Variants in AOC1 observed in about 807,000 individuals in gnomAD.
The protein encoded by AOC1 is diamine oxidase [copper-containing].
Under a neutral mutation model 57.1 loss-of-function variants are expected in AOC1, and 58 were observed. That is an observed-to-expected ratio of 1.02 (90% CI 0.82 to 1.26). The LOEUF (loss-of-function observed/expected upper bound fraction) is 1.26, where lower values mean the gene tolerates loss of function less well. Ranked by LOEUF, AOC1 falls within the 50% of genes most tolerant of loss-of-function variation. The pLI is 0.00. For missense variants in AOC1, 917 were observed against 1,005.3 expected (o/e 0.91, Z 1.19); for synonymous variants, 401 against 423.4 (o/e 0.95, Z 0.65).
chr7:150,860,338 C>G (rs878888937), intron 3 of AOC1, 163 bp from the exon 4 acceptor site: 1 of 1,275,640 alleles, frequency 7.8e-7, no homozygotes, highest in South Asian at 1.4e-5. Context: ...CACCTGAACC[C>G]GGTTAACAGC....
At position 150,857,586 on chromosome 7, in the gene AOC1, C is replaced by T. The variant is rs1268666409; in HGVS notation, c.1116C>T (p.Leu372=). The T allele has an allele frequency of 2.5e-6, 4 of 1,613,922 alleles. No individual in the cohort carries two copies. Among genetic ancestry groups the T allele is most frequent in the South Asian group, 1.1e-5 (1 of 91,094 alleles). Residue 372 remains leucine (L), a synonymous_variant, in exon 2 of 5, where the codon CTC becomes CTT. Coordinates refer to ENST00000360937, the MANE Select transcript of AOC1 (RefSeq NM_001091.4). This position sits in a 1 kb window ranked among gnomAD's most constrained non-coding sequence, Gnocchi z 6.6. Reference sequence around the variant, plus strand: ...CTGCAGGCATGCAGACCAAGTACCTCGATGTCGGCTGGGGCCTGGGCAGCG... The same window carrying T: ...CTGCAGGCATGCAGACCAAGTACCTTGATGTCGGCTGGGGCCTGGGCAGCG... The part of the protein sequence containing the change: ...HTPAGMQTKY[L]DVGWGLGSVT...
Position 150,857,709 on chromosome 7 carries a change from C to G in AOC1, c.1239C>G (p.Pro413=), listed in dbSNP as rs1224726983. Residue 413 remains proline, a synonymous_variant, in exon 2 of 5, where the codon CCC becomes CCG. Transcript: ENST00000360937. The surrounding 1 kb of genome is among the most constrained non-coding windows in gnomAD (Gnocchi z 6.6). ...YYDADDPVHY[P]RALCLFEMPT... ...ATGCCGATGACCCGGTCCATTATCC[C>G]CGAGCCCTCTGCCTCTTTGAAATGC... The G allele has an allele frequency of 1.9e-6, 3 of 1,614,042 alleles. No homozygotes were observed. The African/African-American group carries it at 4.0e-5, about 22-fold the overall frequency.
chr7:150,853,503 A>G (rs1799678437), intron 1 of AOC1, among the ~76,000 whole-genome samples: 1 of 151,904 alleles, frequency 6.6e-6, no homozygotes, highest in Admixed American at 6.6e-5. Flanking sequence ...CTTTTAACAG[A>G]CTTTATAAAG....
In AOC1 at chr7:150,857,336, G is replaced by A. The variant is rs752782863; in HGVS notation, c.866G>A (p.Gly289Glu). 1.4e-5 allele frequency: 23 copies of A among 1,602,122 alleles called. No homozygotes were observed. The highest frequency in any genetic ancestry group is 8.4e-5 in the Admixed American group (5 of 59,250). ...PPLFSSHKPR[G>E]DFPSPIHVSG... The stretch of plus-strand genomic sequence containing the variant: ...CTCTTCTCCTCCCACAAGCCCCGCG[G>A]GGACTTCCCCAGCCCCATCCATGTG... The change falls in exon 2 of 5, where the codon GGG (glycine) becomes GAG (glutamate). Residue 289 changes from glycine to glutamate, a missense_variant. Physicochemically the swap from Gly to Glu is moderately conservative, Grantham distance 98. Transcript: ENST00000360937. This position sits in a 1 kb window ranked among gnomAD's most constrained non-coding sequence, Gnocchi z 6.6.
intron 1 of AOC1, among the ~76,000 whole-genome samples, chr7:150,854,490 G>C (rs1799715669): frequency 6.6e-6 from 1 of 152,174 alleles, no homozygotes; most frequent in African/African-American, 2.4e-5. Context: ...TAGTGGAGAA[G>C]TATGTTAGTT....
Position 150,861,270 on chromosome 7 carries a change from C to A in AOC1, c.*61C>A. On this transcript the variant is annotated 3_prime_UTR_variant, in exon 5 of 5. Coordinates refer to ENST00000360937, the MANE Select transcript of AOC1 (RefSeq NM_001091.4). This position sits in a 1 kb window ranked among gnomAD's most constrained non-coding sequence, Gnocchi z 4.5. ...AGCCCAGGAGCCTCACTGGGGCAGACAATAAACCCTCAGAGCCTCGCTCTG... is the reference window on the plus strand; with the variant it reads ...AGCCCAGGAGCCTCACTGGGGCAGAAAATAAACCCTCAGAGCCTCGCTCTG... The A allele has an allele frequency of 1.3e-6, 2 of 1,497,214 alleles. No homozygotes were observed. The highest frequency in any genetic ancestry group is 2.3e-5 in the East Asian group (1 of 43,100). The allele number at this position is 1,497,214 out of a possible 1,614,324, so 92.7% of individuals were successfully genotyped here.
At chr7:150,859,165 C>CTA in intron 3 of AOC1, 117 bp downstream of exon 3, 1 of 1,116,522 alleles carries the variant, frequency 9.0e-7, no homozygotes, top group Non-Finnish European at 1.2e-6. Flanking sequence ...TACACATATA[C>CTA]GTATGTGTAT....
At position 150,861,094 on chromosome 7, in the gene AOC1, T is replaced by C; in HGVS notation, c.2141T>C (p.Val714Ala). 1 of 1,614,124 alleles carries C rather than the reference T, an allele frequency of 6.2e-7. No individual in the cohort carries two copies. Among genetic ancestry groups the C allele is most frequent in the African/African-American group, 1.3e-5 (1 of 75,040 alleles). ...EDPSLASRDT[V>A]IVWPRDNGPN... ...CCCTCCCTGGCATCCAGAGACACTGTGATCGTGTGGCCTCGGGACAACGGC... is the reference window on the plus strand; with the variant it reads ...CCCTCCCTGGCATCCAGAGACACTGCGATCGTGTGGCCTCGGGACAACGGC... Residue 714 changes from valine (V) to alanine (A), a missense_variant, in exon 5 of 5, where the codon GTG (valine) becomes GCG (alanine). Coordinates refer to ENST00000360937, the MANE Select transcript of AOC1 (RefSeq NM_001091.4). The surrounding 1 kb of genome is among the most constrained non-coding windows in gnomAD (Gnocchi z 4.5).
In AOC1 at chr7:150,856,459, G is replaced by A. The variant is rs779567726; in HGVS notation, c.-12G>A. On this transcript the variant is annotated 5_prime_UTR_variant, in exon 2 of 5. In the 5' UTR this introduces an upstream ATG that the reference lacks. Transcript: ENST00000360937. The surrounding 1 kb of genome is among the most constrained non-coding windows in gnomAD (Gnocchi z 5.2). ...ATCTCCTCTATTGCATTCCAGAGCCGTGGAGCGAGAGATGCCGGCCCTGGG... is the reference window on the plus strand; with the variant it reads ...ATCTCCTCTATTGCATTCCAGAGCCATGGAGCGAGAGATGCCGGCCCTGGG... 3.1e-5 allele frequency: 50 copies of A among 1,608,066 alleles called. No homozygotes were observed. The highest frequency in any genetic ancestry group is 1.7e-4 in the Middle Eastern group (1 of 6,046).
At chr7:150,858,655 G>C in intron 2 of AOC1, 108 bp from the exon 3 acceptor site, 2 of 1,228,410 alleles carry the variant, frequency 1.6e-6, no homozygotes, top group East Asian at 4.8e-5. Flanking sequence ...GGTTATTCAA[G>C]ACAGTTGGCT....
Position 150,861,080 on chromosome 7 carries a change from A to C in AOC1, c.2127A>C (p.Ala709=). The C allele has an allele frequency of 6.2e-7, 1 of 1,614,126 alleles. No homozygotes were observed. The part of the protein sequence containing the change: ...FNFFPEDPSL[A]SRDTVIVWPR... The stretch of plus-strand genomic sequence containing the variant: ...TCTTCCCAGAGGACCCCTCCCTGGC[A>C]TCCAGAGACACTGTGATCGTGTGGC... The change falls in exon 5 of 5, where the codon GCA becomes GCC. Residue 709 remains alanine, a synonymous_variant. Transcript: ENST00000360937. The surrounding 1 kb of genome is among the most constrained non-coding windows in gnomAD (Gnocchi z 4.5).
At chr7:150,855,987 C>A (rs975552676) in intron 1 of AOC1, among the ~76,000 whole-genome samples, 12 of 152,102 alleles carry the variant, frequency 7.9e-5, no homozygotes, top group Non-Finnish European at 1.8e-4. Flanking sequence ...GACTCTAGAG[C>A]CTACCTTTGA....
intron 3 of AOC1, among the ~76,000 whole-genome samples, chr7:150,859,373 C>T (rs1799896089): frequency 1.3e-5 from 2 of 152,092 alleles, no homozygotes; most frequent in Admixed American, 1.3e-4. Flanking sequence ...ATACTGTGTT[C>T]TTACAATAAA....
intron 3 of AOC1, 48 bp downstream of exon 3, chr7:150,859,096 G>T: frequency 1.3e-6 from 2 of 1,483,054 alleles, no homozygotes; most frequent in Non-Finnish European, 1.8e-6. Context: ...GCTTCCCTCA[G>T]TGTGTGTGTC....
Position 150,857,268 on chromosome 7 carries a change from G to C in AOC1, c.798G>C (p.Pro266=), listed in dbSNP as rs370158924. The change falls in exon 2 of 5, where the codon CCG becomes CCC. Residue 266 remains proline, a synonymous_variant. Transcript: ENST00000360937. This position sits in a 1 kb window ranked among gnomAD's most constrained non-coding sequence, Gnocchi z 6.6. ...GEVDVVVLED[P]LPGGKGHDST... ...TGGACGTGGTGGTCCTGGAGGACCC[G>C]CTGCCTGGGGGCAAGGGGCATGACA... The C allele has an allele frequency of 1.2e-6, 2 of 1,608,516 alleles. No homozygotes were observed. Among genetic ancestry groups the C allele is most frequent in the Non-Finnish European group, 1.7e-6 (2 of 1,177,190 alleles).
Position 150,852,719 on chromosome 7 carries a change from C to T in AOC1, c.-17+161C>T, listed in dbSNP as rs1400999893. On this transcript the variant is annotated intron_variant, in intron 1 of 4. Coordinates refer to ENST00000360937, the MANE Select transcript of AOC1 (RefSeq NM_001091.4). This position sits in a 1 kb window ranked among gnomAD's most constrained non-coding sequence, Gnocchi z 4.6. ...AGCCCAGCACATCACAGAAGGTGCCCGGGTGCTTGGTGGCAGGCAACAGCC... is the reference window on the plus strand; with the variant it reads ...AGCCCAGCACATCACAGAAGGTGCCTGGGTGCTTGGTGGCAGGCAACAGCC... Among the ~76,000 whole-genome samples the T allele has an allele frequency of 1.3e-5, 2 of 152,088 alleles. No homozygotes were observed. The highest frequency in any genetic ancestry group is 4.8e-5 in the African/African-American group (2 of 41,396).
chr7:150,856,120 G>A lies in AOC1; in HGVS notation c.-16-335G>A, dbSNP rs1799766070. 6.6e-6 allele frequency among the ~76,000 whole-genome samples: 1 copy of A among 152,214 alleles called. No homozygotes were observed. The highest frequency in any genetic ancestry group is 2.1e-4 in the South Asian group (1 of 4,836). On this transcript the variant is annotated intron_variant, in intron 1 of 4. Transcript: ENST00000360937. This position sits in a 1 kb window ranked among gnomAD's most constrained non-coding sequence, Gnocchi z 5.2. The stretch of plus-strand genomic sequence containing the variant: ...ACACAAGAAGCACCTGGGGGCATGT[G>A]CAGGGGCCCAGCCTGGCCTCTGTGA...
In AOC1 at chr7:150,856,880, C is replaced by T. The variant is rs756074061; in HGVS notation, c.410C>T (p.Ser137Phe). The change falls in exon 2 of 5, where the codon TCC (serine) becomes TTC (phenylalanine). Residue 137 changes from serine (S) to phenylalanine (F), a missense_variant. Transcript: ENST00000360937. The surrounding 1 kb of genome is among the most constrained non-coding windows in gnomAD (Gnocchi z 5.2). ...TCCCCCAGGCCTGGGTACCAGTCCT[C>T]CTGGGCATCGAGGCCCATCTCCACA... ...ALSPRPGYQS[S>F]WASRPISTAE... 1.2e-5 allele frequency: 19 copies of T among 1,614,120 alleles called. No individual in the cohort carries two copies. In the Middle Eastern group the frequency reaches 4.9e-4, roughly 42 times the overall value.
rs1282701206 is a variant in AOC1, at chr7:150,857,263, G to T, written c.793G>T (p.Asp265Tyr). The change falls in exon 2 of 5, where the codon GAC (aspartate) becomes TAC (tyrosine). Residue 265 changes from aspartate to tyrosine, a missense_variant. Physicochemically the swap from Asp to Tyr is radical, Grantham distance 160. Coordinates refer to ENST00000360937, the MANE Select transcript of AOC1 (RefSeq NM_001091.4). The surrounding 1 kb of genome is among the most constrained non-coding windows in gnomAD (Gnocchi z 6.6). ...AGAGGTGGACGTGGTGGTCCTGGAG[G>T]ACCCGCTGCCTGGGGGCAAGGGGCA... ...DGEVDVVVLE[D>Y]PLPGGKGHDS... 6.2e-7 allele frequency: 1 copy of T among 1,609,862 alleles called. No individual in the cohort carries two copies. Among genetic ancestry groups the T allele is most frequent in the East Asian group, 2.2e-5 (1 of 44,834 alleles).
Sources: gnomAD v4.1 joint callset for allele counts (sites outside exome capture counted in the v4.1 genomes callset) on GRCh38, gnomAD v4.1.1 for gene constraint, Gnocchi (gnomAD v3.1) non-coding constraint, MANE v1.5 for transcripts, NCBI Gene and HGNC (gene_info 2026-07-23, HGNC 2026-07-21) for gene names.